HCN3: variants seen among roughly 807,000 people sequenced by gnomAD.
HCN3 encodes the protein potassium/sodium hyperpolarization-activated cyclic nucleotide-gated channel 3.
In HCN3, 36 loss-of-function variants were observed where a neutral mutation model predicts 56.8. That is an observed-to-expected ratio of 0.63 (90% CI 0.49 to 0.84). HCN3 has a LOEUF of 0.84. HCN3 is among the 40% of genes least tolerant of loss of function. The pLI is 0.00. For synonymous variants in HCN3, 425 were observed against 439.7 expected (o/e 0.97, Z 0.42); for missense variants, 930 against 1,079.3 (o/e 0.86, Z 1.94).
At position 155,283,953 on chromosome 1, in the gene HCN3, GCTC is replaced by G. The variant is rs1674173774; in HGVS notation, c.709-14_709-12del. On this transcript the variant is annotated intron_variant, in intron 2 of 7. Transcript: ENST00000368358. ...CAGGGAGGGGTTCCTGTCCACAGCA[GCTC>G]CTCCTCGGACTCCTCAGATCTTTCA... The G allele has an allele frequency of 6.2e-6, 10 of 1,602,610 alleles. No homozygotes were observed. The highest frequency in any genetic ancestry group is 2.2e-5 in the South Asian group (2 of 90,814).
At position 155,282,511 on chromosome 1, in the gene HCN3, A is replaced by T. The variant is rs1674098596; in HGVS notation, c.379A>T (p.Ile127Phe). The part of the protein sequence containing the change: ...FFKEENSPPW[I>F]VFNVLSDTFF... The stretch of plus-strand genomic sequence containing the variant: ...CAAGGAGGAGAACTCCCCGCCTTGG[A>T]TCGTCTTCAACGTATTGTCTGATAC... Residue 127 changes from isoleucine (I) to phenylalanine (F), a missense_variant, in exon 2 of 8, where the codon ATC (isoleucine) becomes TTC (phenylalanine). By Grantham distance (21) the Ile-to-Phe change is conservative. Transcript: ENST00000368358. The surrounding 1 kb of genome is among the most constrained non-coding windows in gnomAD (Gnocchi z 4.7). 6.2e-7 allele frequency: 1 copy of T among 1,614,222 alleles called. No homozygotes were observed. The highest frequency in any genetic ancestry group is 8.5e-7 in the Non-Finnish European group (1 of 1,180,048).
chr1:155,284,119 C>G lies in HCN3; in HGVS notation c.854C>G (p.Ser285Cys). 6.2e-7 allele frequency: 1 copy of G among 1,614,180 alleles called. No individual in the cohort carries two copies. The highest frequency in any genetic ancestry group is 8.5e-7 in the Non-Finnish European group (1 of 1,179,988). The change falls in exon 3 of 8, where the codon TCC (serine) becomes TGC (cysteine). Residue 285 changes from serine to cysteine, a missense_variant. Ser to Cys is a moderately radical substitution (Grantham distance 112, BLOSUM62 -1). Transcript: ENST00000368358. The surrounding 1 kb of genome is among the most constrained non-coding windows in gnomAD (Gnocchi z 4.3). ...GACTTCCCTCCCGACTGCTGGGTCT[C>G]CATCAACCACATGGTGGTGAGAAGT... is the stretch of plus-strand genomic sequence containing the variant. ...LQDFPPDCWV[S>C]INHMVNHSWG...
At position 155,284,065 on chromosome 1, in the gene HCN3, G is replaced by A; in HGVS notation, c.800G>A (p.Cys267Tyr). The A allele has an allele frequency of 6.2e-7, 1 of 1,614,166 alleles. No homozygotes were observed. The highest frequency in any genetic ancestry group is 8.5e-7 in the Non-Finnish European group (1 of 1,180,024). ...CTGCTGCTATGTCACTGGGATGGCTGTCTGCAGTTCCTGGTGCCCATGCTG... is the reference window on the plus strand; with the variant it reads ...CTGCTGCTATGTCACTGGGATGGCTATCTGCAGTTCCTGGTGCCCATGCTG... ...MMLLLCHWDG[C>Y]LQFLVPMLQD... Residue 267 changes from cysteine to tyrosine, a missense_variant, in exon 3 of 8, where the codon TGT becomes TAT. Cys to Tyr is a radical substitution (Grantham distance 194, BLOSUM62 -2). Transcript: ENST00000368358. The surrounding 1 kb of genome is among the most constrained non-coding windows in gnomAD (Gnocchi z 4.3).
At position 155,284,055 on chromosome 1, in the gene HCN3, T is replaced by G; in HGVS notation, c.790T>G (p.Trp264Gly). ...TGGGATGATGCTGCTGCTATGTCAC[T>G]GGGATGGCTGTCTGCAGTTCCTGGT... is the stretch of plus-strand genomic sequence containing the variant. ...LIGMMLLLCH[W>G]DGCLQFLVPM... The change falls in exon 3 of 8, where the codon TGG becomes GGG. Residue 264 changes from tryptophan to glycine, a missense_variant. Trp to Gly is a radical substitution (Grantham distance 184). Coordinates refer to ENST00000368358, the MANE Select transcript of HCN3 (RefSeq NM_020897.3). This position sits in a 1 kb window ranked among gnomAD's most constrained non-coding sequence, Gnocchi z 4.3. The G allele has an allele frequency of 6.2e-7, 1 of 1,614,206 alleles. No homozygotes were observed. The highest frequency in any genetic ancestry group is 8.5e-7 in the Non-Finnish European group (1 of 1,180,022).
At position 155,285,615 on chromosome 1, in the gene HCN3, C is replaced by T. The variant is rs1674249489; in HGVS notation, c.1237-109C>T. 1.4e-6 allele frequency: 2 copies of T among 1,462,316 alleles called. No individual in the cohort carries two copies. Among genetic ancestry groups the T allele is most frequent in the Non-Finnish European group, 1.8e-6 (2 of 1,082,944 alleles). The allele number at this position is 1,462,316 out of a possible 1,614,324, so 90.6% of individuals were successfully genotyped here. A position where few individuals can be genotyped will look rare whatever the true frequency, so the allele number is the denominator to read the frequency against. ...CCAGGCCCACTGATGCCTCCCCATCCTTTGGCAGAACATGACCCCAGGGGT... is the reference window on the plus strand; with the variant it reads ...CCAGGCCCACTGATGCCTCCCCATCTTTTGGCAGAACATGACCCCAGGGGT... On this transcript the variant is annotated intron_variant, in intron 5 of 7. Coordinates refer to ENST00000368358, the MANE Select transcript of HCN3 (RefSeq NM_020897.3). The surrounding 1 kb of genome is among the most constrained non-coding windows in gnomAD (Gnocchi z 4.5).
chr1:155,284,383 G>T lies in HCN3; in HGVS notation c.871-156G>T, dbSNP rs1674192651. On this transcript the variant is annotated intron_variant, in intron 3 of 7. Coordinates refer to ENST00000368358, the MANE Select transcript of HCN3 (RefSeq NM_020897.3). This position sits in a 1 kb window ranked among gnomAD's most constrained non-coding sequence, Gnocchi z 4.3. Reference sequence around the variant, plus strand: ...CCAAGTTGCAATAGAGGACCCTTTTGCCTCAGGGCCCCCCAGAACCAAACT... The same window carrying T: ...CCAAGTTGCAATAGAGGACCCTTTTTCCTCAGGGCCCCCCAGAACCAAACT... The T allele has an allele frequency of 2.2e-6, 2 of 914,788 alleles. No homozygotes were observed. Among genetic ancestry groups the T allele is most frequent in the Non-Finnish European group, 3.2e-6 (2 of 623,180 alleles). The allele number at this position is 914,788 out of a possible 1,614,324, so 56.7% of individuals were successfully genotyped here.
Position 155,287,804 on chromosome 1 carries a change from C to A in HCN3, c.1666C>A (p.Arg556=). 1.3e-6 allele frequency: 2 copies of A among 1,596,154 alleles called. No individual in the cohort carries two copies. The highest frequency in any genetic ancestry group is 1.1e-5 in the South Asian group (1 of 88,900). ...AGGCAAGAAGAATTCCATACTGCAG[C>A]GGAAGCGCTCCGAGCCAAGTCCAGG... The part of the protein sequence containing the change: ...RIGKKNSILQ[R]KRSEPSPGSS... Residue 556 remains arginine, a synonymous_variant, in exon 8 of 8, where the codon CGG becomes AGG. Transcript: ENST00000368358.
In HCN3 at chr1:155,284,851, C is replaced by T. The variant is rs780382468; in HGVS notation, c.1089+94C>T. On this transcript the variant is annotated intron_variant, in intron 4 of 7. Transcript: ENST00000368358. This position sits in a 1 kb window ranked among gnomAD's most constrained non-coding sequence, Gnocchi z 4.3. ...CCCATTCTGATGTGTGCCCCTGTTG[C>T]GTCTCTGTTTCCTTTCCTGCCCTGT... 2.9e-5 allele frequency: 33 copies of T among 1,148,556 alleles called. No individual in the cohort carries two copies. Among genetic ancestry groups the T allele is most frequent in the South Asian group, 8.9e-5 (6 of 67,378 alleles). 71.1% of individuals were successfully genotyped at this position (1,148,556 alleles called of 1,614,324 possible).
At chr1:155,278,428 C>G (rs531765870) in intron 1 of HCN3, 1,584 of 155,734 alleles carry the variant, frequency 0.01, 13 homozygotes, top group Non-Finnish European at 0.014. Context: ...GGGGCGGGGC[C>G]GAGACTCAGA....
chr1:155,285,644 G>A lies in HCN3; in HGVS notation c.1237-80G>A. The A allele has an allele frequency of 6.4e-7, 1 of 1,568,466 alleles. No homozygotes were observed. Among genetic ancestry groups the A allele is most frequent in the Non-Finnish European group, 8.7e-7 (1 of 1,154,312 alleles). On this transcript the variant is annotated intron_variant, in intron 5 of 7. Transcript: ENST00000368358. This position sits in a 1 kb window ranked among gnomAD's most constrained non-coding sequence, Gnocchi z 4.5. ...GGCAGAACATGACCCCAGGGGTGGG[G>A]TTTCTGGAAGCGGATGAGCTCGGTG...
chr1:155,288,024 G>A lies in HCN3; in HGVS notation c.1886G>A (p.Gly629Asp). The A allele has an allele frequency of 1.2e-6, 2 of 1,613,862 alleles. No homozygotes were observed. Among genetic ancestry groups the A allele is most frequent in the South Asian group, 1.1e-5 (1 of 91,080 alleles). ...GCCATTGCCCTGACTCATCAGCGGG[G>A]CCCTCTGCCCCTCTCCCCTGACTCT... ...NVAIALTHQRGPLPLSPDSPA... is the reference protein window; with the variant it reads ...NVAIALTHQRDPLPLSPDSPA... Residue 629 changes from glycine to aspartate, a missense_variant, in exon 8 of 8, where the codon GGC becomes GAC. Coordinates refer to ENST00000368358, the MANE Select transcript of HCN3 (RefSeq NM_020897.3). This position sits in a 1 kb window ranked among gnomAD's most constrained non-coding sequence, Gnocchi z 6.5.
In HCN3 at chr1:155,288,588, AC is replaced by A; in HGVS notation, c.*126del. On this transcript the variant is annotated 3_prime_UTR_variant, in exon 8 of 8. Transcript: ENST00000368358. This position sits in a 1 kb window ranked among gnomAD's most constrained non-coding sequence, Gnocchi z 6.5. Reference sequence around the variant, plus strand: ...CCATGGAAATGTCGACCCTGTGCGGACATTCCGCATACTGCCATGAAGACGG... The same window carrying A: ...CCATGGAAATGTCGACCCTGTGCGGAATTCCGCATACTGCCATGAAGACGG... 2 of 1,241,002 alleles carry A rather than the reference AC, an allele frequency of 1.6e-6. No homozygotes were observed. Among genetic ancestry groups the A allele is most frequent in the Non-Finnish European group, 2.2e-6 (2 of 902,818 alleles). The allele number at this position is 1,241,002 out of a possible 1,614,324, so 76.9% of individuals were successfully genotyped here.
chr1:155,277,695 T>G lies in HCN3; in HGVS notation c.105T>G (p.Gly35=), dbSNP rs747669121. The G allele has an allele frequency of 1.8e-5, 28 of 1,568,650 alleles. No homozygotes were observed. The highest frequency in any genetic ancestry group is 2.3e-5 in the Non-Finnish European group (27 of 1,157,672). ...CCCCGCCTGCGACCGCGGCCTCAGGTCCGATCCCCAAATCTGGGCCTGAGC... is the reference window on the plus strand; with the variant it reads ...CCCCGCCTGCGACCGCGGCCTCAGGGCCGATCCCCAAATCTGGGCCTGAGC... ...VAPPPATAAS[G]PIPKSGPEPK... is the part of the protein sequence containing the mutation. Residue 35 remains glycine, a synonymous_variant, in exon 1 of 8, where the codon GGT becomes GGG. Transcript: ENST00000368358.
chr1:155,285,948 T>C lies in HCN3; in HGVS notation c.1461T>C (p.Asp487=), dbSNP rs1304958265. The C allele has an allele frequency of 1.9e-6, 3 of 1,589,588 alleles. No individual in the cohort carries two copies. The highest frequency in any genetic ancestry group is 2.6e-6 in the Non-Finnish European group (3 of 1,163,486). The change falls in exon 6 of 8, where the codon GAT becomes GAC. Residue 487 remains aspartate, a synonymous_variant. Coordinates refer to ENST00000368358, the MANE Select transcript of HCN3 (RefSeq NM_020897.3). The surrounding 1 kb of genome is among the most constrained non-coding windows in gnomAD (Gnocchi z 4.5). ...GCGCCCGGGACACACGCCTCACCGA[T>C]GGATCCTACTTTGGGGGTCAGCAGG... ...ARGARDTRLT[D]GSYFGEICLL...
At position 155,284,359 on chromosome 1, in the gene HCN3, C is replaced by A; in HGVS notation, c.871-180C>A. ...GTACCTACCCGGAAGCTGAGGCCCC[C>A]AAGTTGCAATAGAGGACCCTTTTGC... is the stretch of plus-strand genomic sequence containing the variant. On this transcript the variant is annotated intron_variant, in intron 3 of 7. Coordinates refer to ENST00000368358, the MANE Select transcript of HCN3 (RefSeq NM_020897.3). This position sits in a 1 kb window ranked among gnomAD's most constrained non-coding sequence, Gnocchi z 4.3. 1 of 839,778 alleles carries A rather than the reference C, an allele frequency of 1.2e-6. No homozygotes were observed. Among genetic ancestry groups the A allele is most frequent in the Non-Finnish European group, 1.8e-6 (1 of 555,618 alleles). The allele number at this position is 839,778 out of a possible 1,614,324, so 52.0% of individuals were successfully genotyped here.
intron 1 of HCN3, among the ~76,000 whole-genome samples, chr1:155,281,544 T>C (rs1674051599): frequency 1.3e-5 from 2 of 151,978 alleles, no homozygotes; most frequent in South Asian, 4.1e-4. Flanking sequence ...AATTTTTGTA[T>C]TTTTTGTAGA....
intron 1 of HCN3, among the ~76,000 whole-genome samples, chr1:155,281,033 T>G (rs1215198127): frequency 6.7e-6 from 1 of 150,190 alleles, no homozygotes. Context: ...GGATTACAGA[T>G]ATGAGCCACC....
chr1:155,288,521 A>G lies in HCN3; in HGVS notation c.*58A>G. 1 of 1,515,008 alleles carries G rather than the reference A, an allele frequency of 6.6e-7. No homozygotes were observed. The highest frequency in any genetic ancestry group is 8.8e-7 in the Non-Finnish European group (1 of 1,132,012). 93.8% of individuals were successfully genotyped at this position (1,515,008 alleles called of 1,614,324 possible). A position where few individuals can be genotyped will look rare whatever the true frequency, so the allele number is the denominator to read the frequency against. Reference sequence around the variant, plus strand: ...GGTGCAGTAGTATGTACCCAAGGGCAGATGCCTCTTGGGGAAGGCCATGGG... The same window carrying G: ...GGTGCAGTAGTATGTACCCAAGGGCGGATGCCTCTTGGGGAAGGCCATGGG... On this transcript the variant is annotated 3_prime_UTR_variant, in exon 8 of 8. Transcript: ENST00000368358. The surrounding 1 kb of genome is among the most constrained non-coding windows in gnomAD (Gnocchi z 6.5).
rs1674363523 is a variant in HCN3 at position 155,287,959 on chromosome 1, A to T, written c.1821A>T (p.Val607=). Residue 607 remains valine (V), a synonymous_variant, in exon 8 of 8, where the codon GTA becomes GTT. Transcript: ENST00000368358. ...SGKPVLWEPL[V]HAPLQAAAVT... ...AGCCAGTACTGTGGGAGCCACTGGT[A>T]CATGCGCCCCTTCAGGCAGCTGCTG... The T allele has an allele frequency of 6.2e-7, 1 of 1,613,932 alleles. No homozygotes were observed. The highest frequency in any genetic ancestry group is 8.5e-7 in the Non-Finnish European group (1 of 1,180,016).
Sources: allele counts gnomAD v4.1 joint callset (sites outside exome capture counted in the v4.1 genomes callset), GRCh38; gene constraint gnomAD v4.1.1; non-coding constraint Gnocchi (gnomAD v3.1); transcripts MANE v1.5; gene names NCBI Gene and HGNC (gene_info 2026-07-23, HGNC 2026-07-21).